The following RBFOX1 variants were observed in gnomAD, a reference collection of about 807,000 sequenced individuals.
RBFOX1 encodes the protein RNA binding protein fox-1 homolog 1.
RBFOX1 carries 8 observed loss-of-function variants against 57.7 expected under a neutral mutation model. The ratio of observed to expected loss-of-function variants is 0.14; its 90% CI spans 0.08 to 0.25. The LOEUF (loss-of-function observed/expected upper bound fraction) is 0.25, where lower values mean the gene tolerates loss of function less well. RBFOX1 is among the 10% of genes least tolerant of loss of function. The pLI is 1.00. For missense variants in RBFOX1, 611 were observed against 548.5 expected, an observed-to-expected ratio of 1.11 and a Z score of -1.14; for synonymous variants, 326 against 222.4, an observed-to-expected ratio of 1.47 and a Z score of -4.15.
chr16:5,705,694 CCT>C (rs2051219278), intron 3 of RBFOX1, among the ~76,000 whole-genome samples: 1 of 152,234 alleles, frequency 6.6e-6, no homozygotes, highest in Admixed American at 6.5e-5. Context: ...ACTCATAGGA[CCT>C]CTCATCATCC....
chr16:6,259,467 A>G (rs1243847526), intron 1 of RBFOX1, among the ~76,000 whole-genome samples: 5 of 152,100 alleles, frequency 3.3e-5, no homozygotes, highest in Admixed American at 2.0e-4. Flanking sequence ...CTTCTTTTAA[A>G]TAAACTTGTG....
chr16:6,529,897 C>T (rs2096632719), intron 2 of RBFOX1, among the ~76,000 whole-genome samples: 1 of 152,104 alleles, frequency 6.6e-6, no homozygotes, highest in African/African-American at 2.4e-5. Context: ...GACTTTTTCT[C>T]CACTCACTGC....
chr16:7,393,862 A>G lies in RBFOX1; in HGVS notation c.28-124285A>G, dbSNP rs536656819. Among the ~76,000 whole-genome samples, 131 of 152,284 alleles carry G rather than the reference A, an allele frequency of 8.6e-4. 1 individual carries two copies. The highest frequency in any genetic ancestry group is 1.6e-3 in the Non-Finnish European group (111 of 68,022). Reference sequence around the variant, plus strand: ...CATTCAGAGAAGAATTCAGGTTGTCAGCAGTTAGCTGCAAACACCCACGTC... The same window carrying G: ...CATTCAGAGAAGAATTCAGGTTGTCGGCAGTTAGCTGCAAACACCCACGTC... On this transcript the variant is annotated intron_variant, in intron 4 of 15. Coordinates refer to ENST00000550418, the MANE Select transcript of RBFOX1 (RefSeq NM_018723.4).
rs1202068255 is a variant in RBFOX1, at chr16:6,256,247, G to GTA, written c.-126-60740_-126-60739dup. Among the ~76,000 whole-genome samples, 141 of 78,340 alleles carry GTA rather than the reference G, an allele frequency of 1.8e-3. 3 individuals carry two copies. Among genetic ancestry groups the GTA allele is most frequent in the South Asian group, 5.4e-3 (12 of 2,210 alleles). The allele number at this position is 78,340 out of a possible 152,430, so 51.4% of individuals were successfully genotyped here. On this transcript the variant is annotated intron_variant, in intron 1 of 15. Transcript: ENST00000550418. ...TATATATATATGTGTATATATATAT[G>GTA]TATATATATGTGTATATATATATGT...
At chr16:7,199,721 C>T (rs1404566267) in intron 4 of RBFOX1, among the ~76,000 whole-genome samples, 1 of 152,080 alleles carries the variant, frequency 6.6e-6, no homozygotes, top group Non-Finnish European at 1.5e-5. Context: ...GTGGTGAAAC[C>T]CCGTCTTTAC....
chr16:6,684,589 G>A (rs913707778), intron 3 of RBFOX1, among the ~76,000 whole-genome samples: 6 of 152,178 alleles, frequency 3.9e-5, no homozygotes, highest in Admixed American at 3.3e-4. Context: ...CCTTGAAAAG[G>A]AAGCCAGCTG....
chr16:6,804,843 T>G (rs1018059687), intron 3 of RBFOX1, among the ~76,000 whole-genome samples: 1 of 152,206 alleles, frequency 6.6e-6, no homozygotes, highest in Non-Finnish European at 1.5e-5. Flanking sequence ...TTGGCAGTTA[T>G]GTCCTCCATA....
intron 1 of RBFOX1, among the ~76,000 whole-genome samples, chr16:6,271,811 C>A (rs945316283): frequency 1.3e-5 from 2 of 152,072 alleles, no homozygotes; most frequent in African/African-American, 4.8e-5. Flanking sequence ...TAAGTTTAAA[C>A]CTCCTAAAAA....
chr16:5,550,609 G>C (rs998553385), intron 2 of RBFOX1, among the ~76,000 whole-genome samples: 1 of 152,154 alleles, frequency 6.6e-6, no homozygotes, highest in African/African-American at 2.4e-5. Context: ...TCAATCACCA[G>C]CTTGTTATTG....
intron 4 of RBFOX1, among the ~76,000 whole-genome samples, chr16:6,002,387 A>T (rs2060617103): frequency 2.6e-5 from 4 of 152,238 alleles, no homozygotes; most frequent in Admixed American, 2.6e-4. Context: ...ATGGAGACCC[A>T]GAGGAAGTAG....
At chr16:5,899,505 A>C (rs1324913558) in intron 4 of RBFOX1, among the ~76,000 whole-genome samples, 1 of 152,198 alleles carries the variant, frequency 6.6e-6, no homozygotes, top group Non-Finnish European at 1.5e-5. Flanking sequence ...CTGCTTGACT[A>C]GCTAGGAAGA....
chr16:7,404,069 T>TTTTA, intron 4 of RBFOX1, among the ~76,000 whole-genome samples: 1 of 150,080 alleles, frequency 6.7e-6, no homozygotes, highest in South Asian at 2.1e-4. Flanking sequence ...TTTTATTTTA[T>TTTTA]TGAGACGGAG....
rs60688606 is a variant in RBFOX1, at chr16:5,393,535, G to A, written c.220-73681G>A. Among the ~76,000 whole-genome samples, 162 of 152,206 alleles carry A rather than the reference G, an allele frequency of 1.1e-3. 4 individuals carry two copies. In the East Asian group the frequency reaches 0.026, roughly 24 times the overall value. On this transcript the variant is annotated intron_variant, in intron 1 of 2. Coordinates refer to the RBFOX1 transcript ENST00000585867. ...ATTAGACTGTCACTTTTGATGAATG[G>A]GTCTTTCTGAGGATTTTGTCCTGCT...
intron 4 of RBFOX1, among the ~76,000 whole-genome samples, chr16:5,956,460 T>A (rs1484567300): frequency 6.6e-6 from 1 of 151,568 alleles, no homozygotes; most frequent in African/African-American, 2.4e-5. Context: ...GAGATGCAAG[T>A]TACTGTACAG....
At chr16:6,234,650 G>T (rs1302927502) in intron 1 of RBFOX1, among the ~76,000 whole-genome samples, 5 of 152,144 alleles carry the variant, frequency 3.3e-5, no homozygotes, top group African/African-American at 1.2e-4. Context: ...ACTCAGTAAT[G>T]GTGGCATTGT....
At chr16:6,032,754 C>A (rs1252366283) in intron 1 of RBFOX1, among the ~76,000 whole-genome samples, 1 of 151,962 alleles carries the variant, frequency 6.6e-6, no homozygotes, top group African/African-American at 2.4e-5. Context: ...GATCATGAGG[C>A]AACGTTTTTT....
intron 1 of RBFOX1, among the ~76,000 whole-genome samples, chr16:5,309,986 C>T (rs1222280048): frequency 2.0e-5 from 3 of 152,190 alleles, no homozygotes; most frequent in Non-Finnish European, 2.9e-5. Flanking sequence ...ACACTGTGAA[C>T]TGACAGGGAG....
chr16:7,028,683 G>C (rs985439060), intron 3 of RBFOX1, among the ~76,000 whole-genome samples: 5 of 149,214 alleles, frequency 3.4e-5, no homozygotes, highest in Admixed American at 1.3e-4. Flanking sequence ...GTTCCCAAAG[G>C]ATATTTGAAA....
chr16:6,282,500 A>G (rs1160411026), intron 1 of RBFOX1, among the ~76,000 whole-genome samples: 7 of 151,894 alleles, frequency 4.6e-5, no homozygotes, highest in East Asian at 1.9e-4. Context: ...TAAGCCCTGC[A>G]TGCATTAGGT....
Sources: gnomAD v4.1 joint callset for allele counts (sites outside exome capture counted in the v4.1 genomes callset) on GRCh38, gnomAD v4.1.1 for gene constraint, MANE v1.5 for transcripts, NCBI Gene and HGNC (gene_info 2026-07-23, HGNC 2026-07-21) for gene names.